BRINP3: variants seen among roughly 807,000 people sequenced by gnomAD.
The protein encoded by BRINP3 is BMP/retinoic acid inducible neural specific 3, also known as BMP/retinoic acid-inducible neural-specific protein 3.
In BRINP3, 19 loss-of-function variants were observed where a neutral mutation model predicts 71.0. The observed-to-expected ratio is 0.27, with a 90% CI of 0.19 to 0.39. The LOEUF (loss-of-function observed/expected upper bound fraction) is 0.39. Among genes scored for constraint, BRINP3 ranks in the 10% least tolerant of loss-of-function variants. BRINP3 has a pLI of 1.00. For synonymous variants in BRINP3, 380 were observed against 337.7 expected (o/e 1.13, Z -1.37); for missense variants, 959 against 940.8 (o/e 1.02, Z -0.25).
chr1:190,158,122 C>T (rs750262801), intron 7 of BRINP3, among the ~76,000 whole-genome samples: 2 of 151,924 alleles, frequency 1.3e-5, no homozygotes, highest in Admixed American at 6.6e-5. Flanking sequence ...GAAGGGACCC[C>T]GTGGGAGGTA....
intron 7 of BRINP3, among the ~76,000 whole-genome samples, chr1:190,151,195 G>T (rs548113857): frequency 1.3e-5 from 2 of 152,156 alleles, no homozygotes; most frequent in Non-Finnish European, 2.9e-5. Flanking sequence ...TATTTATTTG[G>T]CAGTTTAAAA....
intron 2 of BRINP3, among the ~76,000 whole-genome samples, chr1:190,405,901 T>C (rs1310987518): frequency 1.3e-5 from 2 of 152,236 alleles, no homozygotes. Flanking sequence ...ATCAATGTGT[T>C]ATTTTCATCA....
At chr1:190,225,956 T>C (rs536217568) in intron 6 of BRINP3, 126 bp downstream of exon 6, 3 of 666,584 alleles carry the variant, frequency 4.5e-6, no homozygotes, top group East Asian at 2.8e-5. Flanking sequence ...AAAATGTCCA[T>C]TTGAAAGAAT....
chr1:190,409,398 A>T (rs546262347), intron 2 of BRINP3, among the ~76,000 whole-genome samples: 2 of 152,352 alleles, frequency 1.3e-5, no homozygotes, highest in East Asian at 3.9e-4. Flanking sequence ...ACACAAAAAA[A>T]GAATCTCATT....
chr1:190,214,232 T>C (rs1656220364), intron 6 of BRINP3, among the ~76,000 whole-genome samples: 1 of 152,116 alleles, frequency 6.6e-6, no homozygotes, highest in Admixed American at 6.6e-5. Context: ...GTGCTTATTA[T>C]AGTTAAGCTG....
intron 6 of BRINP3, among the ~76,000 whole-genome samples, chr1:190,221,367 G>C (rs577317621): frequency 6.6e-6 from 1 of 152,194 alleles, no homozygotes; most frequent in South Asian, 2.1e-4. Flanking sequence ...CTTCTCTTTA[G>C]CATAACTTAC....
intron 4 of BRINP3, among the ~76,000 whole-genome samples, chr1:190,250,441 A>C (rs1359971999): frequency 6.6e-6 from 1 of 151,898 alleles, no homozygotes; most frequent in Non-Finnish European, 1.5e-5. Context: ...TTTTAAACTC[A>C]TTTTTACTCC....
chr1:190,155,340 A>T (rs1197335835), intron 7 of BRINP3, among the ~76,000 whole-genome samples: 1 of 152,110 alleles, frequency 6.6e-6, no homozygotes, highest in East Asian at 1.9e-4. Context: ...GACTCAGAAG[A>T]TCTGAGTGTG....
intron 2 of BRINP3, among the ~76,000 whole-genome samples, chr1:190,301,976 T>C (rs1326772487): frequency 4.6e-5 from 7 of 151,786 alleles, no homozygotes; most frequent in African/African-American, 7.2e-5. Context: ...TGTATATAGA[T>C]AGAAGCATTT....
intron 2 of BRINP3, among the ~76,000 whole-genome samples, chr1:190,404,764 A>T (rs531304305): frequency 1.2e-4 from 18 of 152,274 alleles, no homozygotes; most frequent in African/African-American, 4.3e-4. Context: ...AATAATACAC[A>T]TAGTTTTATA....
intron 2 of BRINP3, among the ~76,000 whole-genome samples, chr1:190,339,865 T>C (rs1471299512): frequency 6.6e-6 from 1 of 151,912 alleles, no homozygotes; most frequent in Non-Finnish European, 1.5e-5. Flanking sequence ...CTGATTTTAT[T>C]TGTGAATTGT....
chr1:190,237,933 C>A (rs1658683559), intron 4 of BRINP3, among the ~76,000 whole-genome samples: 1 of 151,968 alleles, frequency 6.6e-6, no homozygotes, highest in Admixed American at 6.6e-5. Context: ...CTCATCTGGA[C>A]AACTACAAAA....
intron 1 of BRINP3, among the ~76,000 whole-genome samples, chr1:190,472,624 C>A (rs974884073): frequency 3.3e-5 from 5 of 151,382 alleles, no homozygotes; most frequent in African/African-American, 9.7e-5. Flanking sequence ...TGTGGAAAAA[C>A]TAAAAATAAA....
At chr1:190,333,534 A>G (rs1334980197) in intron 2 of BRINP3, among the ~76,000 whole-genome samples, 1 of 152,042 alleles carries the variant, frequency 6.6e-6, no homozygotes, top group Non-Finnish European at 1.5e-5. Context: ...ATGTGTTCAA[A>G]TATATTAATG....
rs746851050 is a variant in BRINP3 at position 190,277,113 on chromosome 1, A to ATATATATATATATATATATTTATT, written c.427+4446_427+4447insAATAAATATATATATATATATATA. Among the ~76,000 whole-genome samples, 85 of 107,450 alleles carry ATATATATATATATATATATTTATT rather than the reference A, an allele frequency of 7.9e-4. 2 individuals carry two copies. In the Admixed American group the frequency reaches 8.4e-3, roughly 11 times the overall value. The allele number at this position is 107,450 out of a possible 152,430, so 70.5% of individuals were successfully genotyped here. On this transcript the variant is annotated intron_variant, in intron 3 of 7. Coordinates refer to ENST00000367462, the MANE Select transcript of BRINP3 (RefSeq NM_199051.3). ...TATATATATATATATATATATATAT[A>ATATATATATATATATATATTTATT]TATATTTATATTCAGAAAAGAAAAC... is the stretch of plus-strand genomic sequence containing the variant.
At position 190,130,873 on chromosome 1, in the gene BRINP3, T is replaced by G. The variant is rs116388360; in HGVS notation, c.1184+29795A>C. ...CAGATGCTAATGTACCAAGTAAACT[T>G]GGAAGCCACTCATCAAAAATGAAAA... On this transcript the variant is annotated intron_variant, in intron 7 of 7. Coordinates refer to ENST00000367462, the MANE Select transcript of BRINP3 (RefSeq NM_199051.3). Among the ~76,000 whole-genome samples, 205 of 152,026 alleles carry G rather than the reference T, an allele frequency of 1.3e-3. 1 individual carries two copies. The highest frequency in any genetic ancestry group is 4.8e-3 in the African/African-American group (200 of 41,502).
intron 2 of BRINP3, among the ~76,000 whole-genome samples, chr1:190,363,194 C>T (rs573628139): frequency 1.1e-4 from 17 of 152,016 alleles, no homozygotes; most frequent in African/African-American, 1.7e-4. Flanking sequence ...CAGACCCTGG[C>T]CAACAGCCAA....
At position 190,399,054 on chromosome 1, in the gene BRINP3, C is replaced by T. The variant is rs11579610; in HGVS notation, c.236+55601G>A. On this transcript the variant is annotated intron_variant, in intron 2 of 7. Coordinates refer to ENST00000367462, the MANE Select transcript of BRINP3 (RefSeq NM_199051.3). ...CTCCAGAGATTATGATTACTTTGTG[C>T]GCAGAAATTACTATTAATTTACCTC... 6.7e-3 allele frequency among the ~76,000 whole-genome samples: 1,011 copies of T among 151,932 alleles called. 6 individuals are homozygous for T. The highest frequency in any genetic ancestry group is 0.012 in the Admixed American group (179 of 15,240).
Position 190,097,859 on chromosome 1 carries a change from T to A in BRINP3, c.*159A>T. The A allele has an allele frequency of 1.3e-6, 1 of 763,460 alleles. No homozygotes were observed. The highest frequency in any genetic ancestry group is 2.6e-5 in the East Asian group (1 of 38,480). 47.3% of individuals were successfully genotyped at this position (763,460 alleles called of 1,614,324 possible). A position where few individuals can be genotyped will look rare whatever the true frequency, so the allele number is the denominator to read the frequency against. On this transcript the variant is annotated 3_prime_UTR_variant, in exon 8 of 8. Coordinates refer to ENST00000367462, the MANE Select transcript of BRINP3 (RefSeq NM_199051.3). ...AAACTGCTGTATAATATATTCATTGTCAGCAAGTTCATGTGTGTAAATTGC... is the reference window on the plus strand; with the variant it reads ...AAACTGCTGTATAATATATTCATTGACAGCAAGTTCATGTGTGTAAATTGC...
Sources: allele counts gnomAD v4.1 joint callset (sites outside exome capture counted in the v4.1 genomes callset), GRCh38; gene constraint gnomAD v4.1.1; transcripts MANE v1.5; gene names NCBI Gene and HGNC (gene_info 2026-07-23, HGNC 2026-07-21).